The following TUBGCP3 variants were observed in gnomAD, a reference collection of about 807,000 sequenced individuals.
TUBGCP3 encodes tubulin gamma complex component 3.
A neutral mutation model predicts 123.1 loss-of-function variants in TUBGCP3; 50 were observed. That is an observed-to-expected ratio of 0.41 (90% CI 0.32 to 0.51). The LOEUF is 0.51. Among genes scored for constraint, TUBGCP3 ranks in the 20% least tolerant of loss-of-function variants. The pLI is 0.36. For missense variants in TUBGCP3, 882 were observed against 1,127.0 expected, an observed-to-expected ratio of 0.78 and a Z score of 3.11; for synonymous variants, 405 against 413.9, an observed-to-expected ratio of 0.98 and a Z score of 0.26.
the TUBGCP3 span, among the ~76,000 whole-genome samples, chr13:112,596,077 TC>T: frequency 6.6e-6 from 1 of 152,182 alleles, no homozygotes; most frequent in Non-Finnish European, 1.5e-5. Context: ...CCCTTTACAT[TC>T]CCCTGTTTAT....
chr13:112,519,851 C>A lies in TUBGCP3; in HGVS notation c.1881+35G>T. ...CCCCGGCCCAGTGGGTCCTCGGTGC[C>A]GGGGCGGCGTTCCCAACACGCAGAG... On this transcript the variant is annotated intron_variant, in intron 15 of 21. Coordinates refer to ENST00000261965, the MANE Select transcript of TUBGCP3 (RefSeq NM_006322.6). This position sits in a 1 kb window ranked among gnomAD's most constrained non-coding sequence, Gnocchi z 6.2. 6.2e-7 allele frequency: 1 copy of A among 1,601,610 alleles called. No individual in the cohort carries two copies. Among genetic ancestry groups the A allele is most frequent in the South Asian group, 1.1e-5 (1 of 89,958 alleles).
rs145685202 is a variant in TUBGCP3, at chr13:112,565,035, A to T, written c.252+76T>A. The stretch of plus-strand genomic sequence containing the variant: ...AAAAGTTTAATATGATACCACAAAA[A>T]ACATTCAAAGGTTCCTATACCACTC... On this transcript the variant is annotated intron_variant, in intron 3 of 21. Coordinates refer to ENST00000261965, the MANE Select transcript of TUBGCP3 (RefSeq NM_006322.6). 2.0e-5 allele frequency: 25 copies of T among 1,268,916 alleles called. 1 individual carries two copies. The African/African-American group carries it at 3.6e-4, about 18-fold the overall frequency. The allele number at this position is 1,268,916 out of a possible 1,614,324, so 78.6% of individuals were successfully genotyped here. A position where few individuals can be genotyped will look rare whatever the true frequency, so the allele number is the denominator to read the frequency against.
intron 1 of TUBGCP3, among the ~76,000 whole-genome samples, chr13:112,580,874 T>C (rs556113335): frequency 5.8e-4 from 88 of 152,358 alleles, no homozygotes; most frequent in Non-Finnish European, 9.7e-4. Context: ...TCTAAAAGCA[T>C]ATCCCAAATA....
At chr13:112,596,287 C>A in the TUBGCP3 span, among the ~76,000 whole-genome samples, 1 of 152,178 alleles carries the variant, frequency 6.6e-6, no homozygotes, top group African/African-American at 2.4e-5. Flanking sequence ...ACTACCCATT[C>A]TTTTGGGATA....
At chr13:112,512,755 T>A (rs1172391835) in intron 17 of TUBGCP3, among the ~76,000 whole-genome samples, 2 of 151,916 alleles carry the variant, frequency 1.3e-5, no homozygotes, top group Admixed American at 6.6e-5. Flanking sequence ...TAAACGTAAA[T>A]CTCCACTAAC....
intron 8 of TUBGCP3, 135 bp from the exon 9 acceptor site, chr13:112,548,311 ATCT>A (rs1351533321): frequency 5.7e-5 from 29 of 505,166 alleles, no homozygotes; most frequent in South Asian, 8.0e-5. Context: ...TTTGTCAATA[ATCT>A]TCTAATCATC....
In TUBGCP3 at chr13:112,519,630, CA is replaced by C. The variant is rs1334594135; in HGVS notation, c.1881+255del. On this transcript the variant is annotated intron_variant, in intron 15 of 21. Transcript: ENST00000261965. This position sits in a 1 kb window ranked among gnomAD's most constrained non-coding sequence, Gnocchi z 6.2. ...GGGCAAGGGTGTCATGCGTTTTCTC[CA>C]GCTTAAGCCTAGCAGCCCTGCAAGG... Among the ~76,000 whole-genome samples, 2 of 152,224 alleles carry C rather than the reference CA, an allele frequency of 1.3e-5. No individual in the cohort carries two copies. The highest frequency in any genetic ancestry group is 4.8e-5 in the African/African-American group (2 of 41,460).
chr13:112,506,028 T>C (rs758576684), intron 17 of TUBGCP3, among the ~76,000 whole-genome samples: 1 of 151,886 alleles, frequency 6.6e-6, no homozygotes, highest in Admixed American at 6.6e-5. Context: ...CTCACCTAAA[T>C]GAAATATATG....
intron 8 of TUBGCP3, among the ~76,000 whole-genome samples, chr13:112,549,293 C>CT (rs769669577): frequency 2.3e-4 from 34 of 145,642 alleles, no homozygotes; most frequent in Admixed American, 7.0e-4. Flanking sequence ...AATGAGAACA[C>CT]TTGGACACAG....
rs571376933 is a variant in TUBGCP3, at chr13:112,503,489, C to T, written c.2307+543G>A. 3.0e-4 allele frequency among the ~76,000 whole-genome samples: 46 copies of T among 152,168 alleles called. No homozygotes were observed. The South Asian group carries it at 9.4e-3, about 31-fold the overall frequency. On this transcript the variant is annotated intron_variant, in intron 19 of 21. Transcript: ENST00000261965. ...GGTTGAAGTGATTCTCCTGTCTCTGCCTCCCAAGTAGCTGGGATTACAGGC... is the reference window on the plus strand; with the variant it reads ...GGTTGAAGTGATTCTCCTGTCTCTGTCTCCCAAGTAGCTGGGATTACAGGC...
At chr13:112,515,023 G>A (rs891374188) in intron 17 of TUBGCP3, among the ~76,000 whole-genome samples, 1 of 152,134 alleles carries the variant, frequency 6.6e-6, no homozygotes, top group Admixed American at 6.5e-5. Flanking sequence ...ACTCTGTGAA[G>A]CAGGATCCTA....
chr13:112,512,984 C>T (rs1021783544), intron 17 of TUBGCP3, among the ~76,000 whole-genome samples: 5 of 152,152 alleles, frequency 3.3e-5, no homozygotes, highest in East Asian at 1.9e-4. Flanking sequence ...GAACGATGAA[C>T]GCATCCTTGT....
At chr13:112,502,541 TC>T (rs143334015) in intron 19 of TUBGCP3, among the ~76,000 whole-genome samples, 2 of 137,024 alleles carry the variant, frequency 1.5e-5, no homozygotes, top group Admixed American at 7.3e-5. Context: ...GTACATTTCT[TC>T]TTTTTTTTTT....
intron 1 of TUBGCP3, among the ~76,000 whole-genome samples, chr13:112,581,018 A>T (rs1882239287): frequency 1.4e-5 from 2 of 138,956 alleles, no homozygotes; most frequent in Non-Finnish European, 3.1e-5. Flanking sequence ...AAATATTATC[A>T]TCACTCTGCT....
chr13:112,540,768 T>C (rs924794497), intron 11 of TUBGCP3, among the ~76,000 whole-genome samples: 10 of 152,262 alleles, frequency 6.6e-5, no homozygotes, highest in Non-Finnish European at 1.2e-4. Flanking sequence ...ATGTTTTGCA[T>C]TAATTCTTGC....
rs1036231405 is a variant in TUBGCP3 at position 112,508,394 on chromosome 13, A to G, written c.2087-3680T>C. On this transcript the variant is annotated intron_variant, in intron 17 of 21. Transcript: ENST00000261965. This position sits in a 1 kb window ranked among gnomAD's most constrained non-coding sequence, Gnocchi z 4.2. ...ATTTTGCCCAACTCTTCTGTAGTAT[A>G]TCTTTAAATTTTCAGATGCCATATG... Among the ~76,000 whole-genome samples the G allele has an allele frequency of 1.3e-5, 2 of 152,122 alleles. No homozygotes were observed. The highest frequency in any genetic ancestry group is 4.8e-5 in the African/African-American group (2 of 41,424).
intron 20 of TUBGCP3, among the ~76,000 whole-genome samples, chr13:112,490,202 A>G (rs1402049388): frequency 6.6e-6 from 1 of 152,234 alleles, no homozygotes; most frequent in East Asian, 1.9e-4. Context: ...ATCATTTTCA[A>G]TCAATGATGA....
In TUBGCP3 at chr13:112,545,540, G is replaced by T; in HGVS notation, c.1335+159C>A. On this transcript the variant is annotated intron_variant, in intron 11 of 21. Transcript: ENST00000261965. The surrounding 1 kb of genome is among the most constrained non-coding windows in gnomAD (Gnocchi z 4.1). ...TATCTGCTGTTCAGTGAGATAACCA[G>T]CTGTCGAGGCACTGTGTAAAATGTA... 2.8e-6 allele frequency: 2 copies of T among 722,942 alleles called. No homozygotes were observed. Among genetic ancestry groups the T allele is most frequent in the Non-Finnish European group, 4.5e-6 (2 of 447,550 alleles). 44.8% of individuals were successfully genotyped at this position (722,942 alleles called of 1,614,324 possible).
chr13:112,518,680 G>C (rs1876362312), intron 16 of TUBGCP3, among the ~76,000 whole-genome samples: 1 of 152,162 alleles, frequency 6.6e-6, no homozygotes, highest in Non-Finnish European at 1.5e-5. Context: ...AGTTGCCACA[G>C]TATAAGAATA....
Sources: gnomAD v4.1 joint callset for allele counts (sites outside exome capture counted in the v4.1 genomes callset) on GRCh38, gnomAD v4.1.1 for gene constraint, Gnocchi (gnomAD v3.1) non-coding constraint, MANE v1.5 for transcripts, NCBI Gene and HGNC (gene_info 2026-07-23, HGNC 2026-07-21) for gene names.